CBL: variants seen among roughly 807,000 people sequenced by gnomAD.
CBL encodes Cbl proto-oncogene.
CBL carries 45 observed loss-of-function variants against 96.9 expected under a neutral mutation model. The observed-to-expected ratio is 0.46, with a 90% CI of 0.37 to 0.60. The LOEUF (loss-of-function observed/expected upper bound fraction) is 0.60. CBL is among the 20% of genes least tolerant of loss of function. CBL has a pLI of 0.00. For synonymous variants in CBL, 420 were observed against 426.8 expected, an observed-to-expected ratio of 0.98 and a Z score of 0.20; for missense variants, 1,024 against 1,143.5, an observed-to-expected ratio of 0.90 and a Z score of 1.51.
At chr11:119,215,104 G>A (rs1453097727) in intron 1 of CBL, among the ~76,000 whole-genome samples, 2 of 152,058 alleles carry the variant, frequency 1.3e-5, no homozygotes, top group Non-Finnish European at 2.9e-5. Context: ...TCAGCAGTAG[G>A]ATTTTGAAAG....
At position 119,284,949 on chromosome 11, in the gene CBL, A is replaced by G. The variant is rs935419134; in HGVS notation, c.1432-20A>G. On this transcript the variant is annotated intron_variant, in intron 9 of 15. Coordinates refer to ENST00000264033, the MANE Select transcript of CBL (RefSeq NM_005188.4). ...TTTCCCCAAACGAAAGTAATCTGTT[A>G]AATTTTTTATGTACCCTAGGTGGAA... 6.2e-7 allele frequency: 1 copy of G among 1,613,740 alleles called. No homozygotes were observed. The highest frequency in any genetic ancestry group is 1.3e-5 in the African/African-American group (1 of 74,890).
intron 1 of CBL, among the ~76,000 whole-genome samples, chr11:119,215,832 A>T (rs1345645400): frequency 1.3e-5 from 2 of 152,002 alleles, no homozygotes; most frequent in East Asian, 3.9e-4. Flanking sequence ...GTCTCAAAAA[A>T]GAAAAAAAAA....
In CBL at chr11:119,283,625, C is replaced by CTTTTTTTTTTTTTTTTTTTTTT. The variant is rs398017760; in HGVS notation, c.1432-1335_1432-1314dup. Among the ~76,000 whole-genome samples, 14 of 45,528 alleles carry CTTTTTTTTTTTTTTTTTTTTTT rather than the reference C, an allele frequency of 3.1e-4. 1 individual carries two copies. The highest frequency in any genetic ancestry group is 1.4e-3 in the South Asian group (1 of 702). The allele number at this position is 45,528 out of a possible 152,430, so 29.9% of individuals were successfully genotyped here. A position where few individuals can be genotyped will look rare whatever the true frequency, so the allele number is the denominator to read the frequency against. ...AAATATTAATCCTTTTTAATTCTTT[C>CTTTTTTTTTTTTTTTTTTTTTT]TTTTTTTTTTTTTTTTTTTTTTTTT... On this transcript the variant is annotated intron_variant, in intron 9 of 15. Transcript: ENST00000264033.
At chr11:119,212,679 T>G (rs1949328309) in intron 1 of CBL, among the ~76,000 whole-genome samples, 1 of 151,776 alleles carries the variant, frequency 6.6e-6, no homozygotes. Flanking sequence ...AATTTTATTT[T>G]TATTCATTAT....
intron 2 of CBL, among the ~76,000 whole-genome samples, chr11:119,257,560 G>A (rs1324223425): frequency 6.6e-6 from 1 of 152,062 alleles, no homozygotes; most frequent in Non-Finnish European, 1.5e-5. Context: ...CATTCTGTGG[G>A]TTCCATTTAT....
intron 3 of CBL, 44 bp downstream of exon 3, chr11:119,271,925 T>C: frequency 6.3e-7 from 1 of 1,586,770 alleles, no homozygotes; most frequent in Non-Finnish European, 8.6e-7. Flanking sequence ...AAACTAAAGC[T>C]TACGAGTTTT....
chr11:119,278,995 G>A (rs1949911765), intron 9 of CBL, among the ~76,000 whole-genome samples: 1 of 152,196 alleles, frequency 6.6e-6, no homozygotes, highest in South Asian at 2.1e-4. Context: ...ACAGCTAGTA[G>A]GTTGAAGCAT....
At chr11:119,266,032 A>G (rs533515460) in intron 2 of CBL, among the ~76,000 whole-genome samples, 8 of 148,938 alleles carry the variant, frequency 5.4e-5, no homozygotes, top group East Asian at 1.9e-4. Context: ...AAAAAAAAAA[A>G]AAAGAAAGAA....
chr11:119,220,433 A>G (rs1242709738), intron 1 of CBL, among the ~76,000 whole-genome samples: 3 of 152,064 alleles, frequency 2.0e-5, no homozygotes, highest in Non-Finnish European at 4.4e-5. Context: ...ACATAGCAAG[A>G]CCCTGTGTCT....
At chr11:119,277,988 G>T in intron 7 of CBL, 144 bp downstream of exon 7, 1 of 874,574 alleles carries the variant, frequency 1.1e-6, no homozygotes, top group Non-Finnish European at 1.9e-6. Context: ...TTTAAACCCT[G>T]GAGCTTAAAA....
At chr11:119,250,817 G>A (rs1949664851) in intron 2 of CBL, among the ~76,000 whole-genome samples, 1 of 152,072 alleles carries the variant, frequency 6.6e-6, no homozygotes, top group African/African-American at 2.4e-5. Context: ...CGGGTGTGGA[G>A]GTGCGCGCCT....
At chr11:119,257,054 T>C (rs1176985946) in intron 2 of CBL, among the ~76,000 whole-genome samples, 1 of 152,258 alleles carries the variant, frequency 6.6e-6, no homozygotes, top group Admixed American at 6.5e-5. Flanking sequence ...GTCCTTTTCA[T>C]ACAGTGACTT....
chr11:119,290,238 G>A (rs563097210), intron 12 of CBL, among the ~76,000 whole-genome samples: 1 of 152,030 alleles, frequency 6.6e-6, no homozygotes, highest in African/African-American at 2.4e-5. Flanking sequence ...TGGAGATGGG[G>A]TTTTGCCATG....
At position 119,296,932 on chromosome 11, in the gene CBL, C is replaced by A; in HGVS notation, c.2051C>A (p.Pro684Gln). The change falls in exon 13 of 16, where the codon CCA (proline) becomes CAA (glutamine). Residue 684 changes from proline (P) to glutamine (Q), a missense_variant. By Grantham distance (76) the Pro-to-Gln change is moderately conservative. Coordinates refer to ENST00000264033, the MANE Select transcript of CBL (RefSeq NM_005188.4). ...TCATCTTCCAGACCTCTTCCTGTGCCAAAACTGCCACCTGGGGAGCAATGT... is the reference window on the plus strand; with the variant it reads ...TCATCTTCCAGACCTCTTCCTGTGCAAAAACTGCCACCTGGGGAGCAATGT... The part of the protein sequence containing the change: ...YSLAARPLPV[P>Q]KLPPGEQCEG... 6.2e-7 allele frequency: 1 copy of A among 1,600,182 alleles called. No individual in the cohort carries two copies. Among genetic ancestry groups the A allele is most frequent in the Non-Finnish European group, 8.6e-7 (1 of 1,167,384 alleles).
In CBL at chr11:119,306,394, C is replaced by A. The variant is rs2135327150; in HGVS notation, c.*6613C>A. 1 of 398,960 alleles carries A rather than the reference C, an allele frequency of 2.5e-6. No homozygotes were observed. The highest frequency in any genetic ancestry group is 3.6e-5 in the East Asian group (1 of 28,070). The allele number at this position is 398,960 out of a possible 1,614,324, so 24.7% of individuals were successfully genotyped here. On this transcript the variant is annotated 3_prime_UTR_variant, in exon 16 of 16. Coordinates refer to ENST00000264033, the MANE Select transcript of CBL (RefSeq NM_005188.4). ...CCAAAAATGAATGTCAGGCCCCGCC[C>A]CCTCCCCACCAACATTGCCTCTCCT...
rs1023500397 is a variant in CBL, at chr11:119,210,016, G to T, written c.195+3404G>T. On this transcript the variant is annotated intron_variant, in intron 1 of 15. Coordinates refer to ENST00000264033, the MANE Select transcript of CBL (RefSeq NM_005188.4). ...TAAATACTTGTATGTGAAGTGGCTT[G>T]TAAGCCAAAAGACAATTAGGCAGGG... Among the ~76,000 whole-genome samples, 93 of 152,306 alleles carry T rather than the reference G, an allele frequency of 6.1e-4. 2 individuals carry two copies. The South Asian group carries it at 0.018, about 30-fold the overall frequency.
intron 6 of CBL, among the ~76,000 whole-genome samples, chr11:119,276,537 G>A (rs1237897548): frequency 2.0e-5 from 3 of 152,084 alleles, no homozygotes; most frequent in Admixed American, 6.5e-5. Context: ...TCCTCACTTC[G>A]CTTTTGTTCA....
At chr11:119,244,932 C>T (rs1329581027) in intron 2 of CBL, among the ~76,000 whole-genome samples, 1 of 152,034 alleles carries the variant, frequency 6.6e-6, no homozygotes, top group Admixed American at 6.6e-5. Flanking sequence ...ACTGCTGCCT[C>T]TTCCAGGATC....
At chr11:119,219,597 AG>A (rs1360078475) in intron 1 of CBL, among the ~76,000 whole-genome samples, 1 of 151,904 alleles carries the variant, frequency 6.6e-6, no homozygotes, top group Admixed American at 6.6e-5. Context: ...CCTAAGATAA[AG>A]GGGGACCACT....
Sources: allele counts gnomAD v4.1 joint callset (sites outside exome capture counted in the v4.1 genomes callset), GRCh38; gene constraint gnomAD v4.1.1; transcripts MANE v1.5; gene names NCBI Gene and HGNC (gene_info 2026-07-23, HGNC 2026-07-21).